FAM120B: variants seen among roughly 807,000 people sequenced by gnomAD.
The protein encoded by FAM120B is family with sequence similarity 120 member B.
In FAM120B, 83 loss-of-function variants were observed where a neutral mutation model predicts 96.3. The observed-to-expected ratio is 0.86, with a 90% confidence interval of 0.72 to 1.03. The LOEUF (loss-of-function observed/expected upper bound fraction) is 1.03, where lower values mean the gene tolerates loss of function less well. FAM120B is among the 50% of genes least tolerant of loss of function. FAM120B has a pLI of 0.00. For synonymous variants in FAM120B, 407 were observed against 402.7 expected, an observed-to-expected ratio of 1.01 and a Z score of -0.13; for missense variants, 1,027 against 1,121.2, an observed-to-expected ratio of 0.92 and a Z score of 1.20.
In FAM120B at chr6:170,337,292, G is replaced by A. The variant is rs141144865; in HGVS notation, c.2017+6742G>A. Reference sequence around the variant, plus strand: ...CTTTTCTGCATCTATTGAGATAAACGTGATTTTTGTCATTGGTTCATTTAT... The same window carrying A: ...CTTTTCTGCATCTATTGAGATAAACATGATTTTTGTCATTGGTTCATTTAT... On this transcript the variant is annotated intron_variant, in intron 4 of 10. Coordinates refer to ENST00000476287, the MANE Select transcript of FAM120B (RefSeq NM_032448.3). Among the ~76,000 whole-genome samples, 20 of 152,058 alleles carry A rather than the reference G, an allele frequency of 1.3e-4. No homozygotes were observed. In the East Asian group the frequency reaches 2.3e-3, roughly 18 times the overall value.
upstream of FAM120B, among the ~76,000 whole-genome samples, chr6:170,293,247 C>T (rs1035524093): frequency 2.0e-5 from 3 of 152,014 alleles, no homozygotes; most frequent in African/African-American, 4.8e-5. Context: ...GAAGAGAATG[C>T]GAGGTCAGAA....
At chr6:170,335,114 T>C (rs535441857) in intron 4 of FAM120B, among the ~76,000 whole-genome samples, 11 of 151,816 alleles carry the variant, frequency 7.2e-5, no homozygotes, top group African/African-American at 2.7e-4. Flanking sequence ...GAGGTATACA[T>C]GTGCCATTGT....
intron 6 of FAM120B, among the ~76,000 whole-genome samples, chr6:170,359,675 G>A (rs79188006): frequency 0.021 from 3,268 of 152,238 alleles, 61 homozygotes; most frequent in Non-Finnish European, 0.032. Context: ...CTGGGCTCAA[G>A]CCATCCTCCC....
chr6:170,319,543 A>G (rs116354418), intron 2 of FAM120B, among the ~76,000 whole-genome samples: 2,922 of 152,222 alleles, frequency 0.019, 100 homozygotes, highest in African/African-American at 0.067. Flanking sequence ...TGGCGCACAC[A>G]TGTGATCCCA....
Position 170,323,076 on chromosome 6 carries a change from C to T in FAM120B, c.1735-3C>T, listed in dbSNP as rs375963765. 6 of 1,593,006 alleles carry T rather than the reference C, an allele frequency of 3.8e-6. No homozygotes were observed. Among genetic ancestry groups the T allele is most frequent in the Middle Eastern group, 1.7e-4 (1 of 5,978 alleles). On this transcript the variant is annotated splice_polypyrimidine_tract_variant and splice_region_variant and intron_variant, in intron 2 of 10. Coordinates refer to ENST00000476287, the MANE Select transcript of FAM120B (RefSeq NM_032448.3). ...AATTCAGTTGTATTTAAATTTCAAA[C>T]AGGTTGCTAGAACACATCACGTCCA...
chr6:170,403,307 T>A (rs1470431326), intron 9 of FAM120B, among the ~76,000 whole-genome samples: 1 of 152,188 alleles, frequency 6.6e-6, no homozygotes, highest in Non-Finnish European at 1.5e-5. Flanking sequence ...CAGTTGTAAT[T>A]ACTGTGAGGG....
chr6:170,395,967 G>A (rs1012687761), intron 9 of FAM120B, among the ~76,000 whole-genome samples: 5 of 152,138 alleles, frequency 3.3e-5, no homozygotes, highest in Non-Finnish European at 5.9e-5. Flanking sequence ...GATATTTTCC[G>A]TGACTTGGAT....
chr6:170,317,614 T>C lies in FAM120B; in HGVS notation c.224T>C (p.Val75Ala), dbSNP rs770725139. The change falls in exon 2 of 11, where the codon GTT becomes GCT. Residue 75 changes from valine (V) to alanine (A), a missense_variant. Physicochemically the swap from Val to Ala is moderately conservative, Grantham distance 64. This residue lies in a region of FAM120B where 880 missense variants were observed against 980.9 expected (regional missense o/e 0.90). Coordinates refer to ENST00000476287, the MANE Select transcript of FAM120B (RefSeq NM_032448.3). ...TACTTTTCTGCTTTGCGAGATTTTG[T>C]TAAAACTTTTACGGCAGCTGGGATC... ...REYFSALRDF[V>A]KTFTAAGIKL... is the part of the protein sequence containing the mutation. 1 of 1,614,214 alleles carries C rather than the reference T, an allele frequency of 6.2e-7. No homozygotes were observed. Among genetic ancestry groups the C allele is most frequent in the Non-Finnish European group, 8.5e-7 (1 of 1,180,042 alleles).
At chr6:170,351,613 C>T (rs1175750700) in intron 5 of FAM120B, among the ~76,000 whole-genome samples, 3 of 152,182 alleles carry the variant, frequency 2.0e-5, no homozygotes, top group African/African-American at 7.2e-5. Flanking sequence ...AGAAACCCTA[C>T]AAGCCAGAAG....
intron 9 of FAM120B, among the ~76,000 whole-genome samples, chr6:170,400,232 CTA>C (rs1778476288): frequency 6.6e-6 from 1 of 152,132 alleles, no homozygotes; most frequent in African/African-American, 2.4e-5. Flanking sequence ...GAAGGTAGAA[CTA>C]TGTCATAACT....
chr6:170,295,089 C>T (rs1367100643), upstream of FAM120B, among the ~76,000 whole-genome samples: 1 of 152,226 alleles, frequency 6.6e-6, no homozygotes, highest in Non-Finnish European at 1.5e-5. The surrounding 1 kb of genome is among the most constrained non-coding windows in gnomAD (Gnocchi z 7.8). Context: ...AATCTGAAAG[C>T]AGTTAACGTA....
intron 3 of FAM120B, among the ~76,000 whole-genome samples, chr6:170,330,204 T>G (rs773058584): frequency 4.6e-5 from 7 of 152,224 alleles, no homozygotes; most frequent in Non-Finnish European, 7.3e-5. Context: ...ATATTATTGT[T>G]TACTTACCCA....
In FAM120B at chr6:170,388,391, G is replaced by A. The variant is rs1237545865; in HGVS notation, c.2388G>A (p.Thr796=). 3 of 1,614,136 alleles carry A rather than the reference G, an allele frequency of 1.9e-6. No homozygotes were observed. The highest frequency in any genetic ancestry group is 2.2e-5 in the East Asian group (1 of 44,874). ...GCGCATGTGGCTTCCCCTGGAAGAC[G>A]AGTGATTTCATGCCCTGGAATGTAT... ...VNSACGFPWK[T]SDFMPWNVFD... The change falls in exon 7 of 11, where the codon ACG becomes ACA. Residue 796 remains threonine, a synonymous_variant. Transcript: ENST00000476287.
At chr6:170,403,792 G>A (rs973104727) in intron 9 of FAM120B, among the ~76,000 whole-genome samples, 1 of 152,238 alleles carries the variant, frequency 6.6e-6, no homozygotes, top group African/African-American at 2.4e-5. Flanking sequence ...CCATAAAACT[G>A]CTGTGATCAT....
At chr6:170,359,813 A>G (rs1554286073) in intron 6 of FAM120B, among the ~76,000 whole-genome samples, 2 of 151,848 alleles carry the variant, frequency 1.3e-5, no homozygotes, top group African/African-American at 2.4e-5. Flanking sequence ...ACAATGCCAG[A>G]TTTTTTTTTG....
At chr6:170,399,146 C>G (rs1778386802) in intron 9 of FAM120B, among the ~76,000 whole-genome samples, 1 of 144,718 alleles carries the variant, frequency 6.9e-6, no homozygotes. Flanking sequence ...AAAGGTAGAA[C>G]TATGTCATAA....
intron 6 of FAM120B, among the ~76,000 whole-genome samples, chr6:170,379,713 G>A (rs546787435): frequency 6.6e-6 from 1 of 152,236 alleles, no homozygotes; most frequent in South Asian, 2.1e-4. Flanking sequence ...ATAAATCCGT[G>A]TATTTTATTA....
chr6:170,342,876 C>T (rs574631559), intron 4 of FAM120B, among the ~76,000 whole-genome samples: 89 of 152,258 alleles, frequency 5.8e-4, no homozygotes, highest in African/African-American at 2.0e-3. Flanking sequence ...GGGCCACCTT[C>T]GATCTTTATT....
chr6:170,350,560 T>C (rs905327777), intron 5 of FAM120B, among the ~76,000 whole-genome samples: 4 of 152,266 alleles, frequency 2.6e-5, no homozygotes, highest in South Asian at 2.1e-4. Context: ...CAGTAACCAC[T>C]AGGACAGAGC....
Sources: allele counts gnomAD v4.1 joint callset (sites outside exome capture counted in the v4.1 genomes callset), GRCh38; gene constraint gnomAD v4.1.1; regional missense constraint gnomAD v4.1.1; non-coding constraint Gnocchi (gnomAD v3.1); transcripts MANE v1.5; gene names NCBI Gene and HGNC (gene_info 2026-07-23, HGNC 2026-07-21).